MMP26: variants seen among roughly 807,000 people sequenced by gnomAD.
MMP26 encodes matrix metalloproteinase-26.
MMP26 carries 33 observed loss-of-function variants against 31.0 expected under a neutral mutation model. The observed-to-expected ratio is 1.06, with a 90% CI of 0.81 to 1.42. MMP26 has a LOEUF of 1.42. MMP26 is among the 40% of genes most tolerant of loss of function. The probability of loss-of-function intolerance (pLI) is 0.00; values close to 1 mark genes in which losing one functional copy is unlikely to be tolerated. For missense variants in MMP26, 347 were observed against 316.1 expected (o/e 1.10, Z -0.74); for synonymous variants, 122 against 114.9 (o/e 1.06, Z -0.40).
Position 4,964,211 on chromosome 11 carries a change from C to CAT in MMP26, c.-144-23857_-144-23856insAT, listed in dbSNP as rs1846559521. Among the ~76,000 whole-genome samples, 4 of 152,170 alleles carry CAT rather than the reference C, an allele frequency of 2.6e-5. No homozygotes were observed. In the South Asian group the frequency reaches 8.3e-4, roughly 32 times the overall value. ...AAGCCTATGTTCTTAATGGTATTGC[C>CAT]TAGGTTTTCTTCTAAGGTTTTTATA... On this transcript the variant is annotated intron_variant, in intron 2 of 7. Coordinates refer to ENST00000380390, the MANE Select transcript of MMP26 (RefSeq NM_021801.5).
intron 2 of MMP26, among the ~76,000 whole-genome samples, chr11:4,780,140 A>G (rs1848839163): frequency 6.6e-6 from 1 of 152,166 alleles, no homozygotes; most frequent in Non-Finnish European, 1.5e-5. Context: ...ATTACTACAA[A>G]TATTGTTATT....
At chr11:4,793,167 T>A (rs186117378) in intron 2 of MMP26, among the ~76,000 whole-genome samples, 5 of 152,326 alleles carry the variant, frequency 3.3e-5, no homozygotes, top group Non-Finnish European at 5.9e-5. Flanking sequence ...AATTTTATAA[T>A]CACCCTTTGA....
intron 1 of MMP26, among the ~76,000 whole-genome samples, chr11:4,740,718 G>T (rs955523919): frequency 7.3e-5 from 11 of 150,630 alleles, no homozygotes; most frequent in African/African-American, 2.7e-4. Flanking sequence ...TTTTGGCTTT[G>T]GACATCTCCT....
intron 1 of MMP26, among the ~76,000 whole-genome samples, chr11:4,758,250 A>G (rs1348014755): frequency 6.6e-6 from 1 of 152,170 alleles, no homozygotes; most frequent in Non-Finnish European, 1.5e-5. Context: ...GATGCAGGAT[A>G]TTACATATTG....
At chr11:4,938,849 A>T (rs1846167681) in intron 2 of MMP26, among the ~76,000 whole-genome samples, 2 of 148,710 alleles carry the variant, frequency 1.3e-5, no homozygotes, top group African/African-American at 5.2e-5. Context: ...GTTTAAAAAT[A>T]AAAAAACCTT....
intron 1 of MMP26, among the ~76,000 whole-genome samples, chr11:4,707,166 A>G (rs2133261912): frequency 6.6e-6 from 1 of 152,232 alleles, no homozygotes; most frequent in African/African-American, 2.4e-5. Context: ...AATAGGTCCA[A>G]TTTCTTCTCA....
rs535085371 is a variant in MMP26 at position 4,881,229 on chromosome 11, G to A, written c.-144-106839G>A. Among the ~76,000 whole-genome samples, 14 of 152,208 alleles carry A rather than the reference G, an allele frequency of 9.2e-5. No individual in the cohort carries two copies. In the East Asian group the frequency reaches 2.1e-3, roughly 23 times the overall value. ...TTCCACAGGAAAGATTTCCCCAGCA[G>A]CAAACGGAACCACTGTCTCCTCTCC... On this transcript the variant is annotated intron_variant, in intron 2 of 7. Transcript: ENST00000380390.
intron 2 of MMP26, among the ~76,000 whole-genome samples, chr11:4,933,573 T>TA (rs1851385062): frequency 6.9e-6 from 1 of 145,234 alleles, no homozygotes; most frequent in African/African-American, 2.6e-5. Flanking sequence ...TTGTTTTTTT[T>TA]ATTTTTATTT....
intron 2 of MMP26, among the ~76,000 whole-genome samples, chr11:4,963,304 A>G (rs1428825419): frequency 1.3e-5 from 2 of 152,212 alleles, no homozygotes; most frequent in Admixed American, 6.5e-5. Context: ...AAATGGCCAT[A>G]CTGCCCAAAG....
At chr11:4,738,984 A>G (rs11033632) in intron 1 of MMP26, among the ~76,000 whole-genome samples, 26,423 of 152,130 alleles carry the variant, frequency 0.17, 2,759 homozygotes, top group African/African-American at 0.3. Flanking sequence ...CTAGGTTTAC[A>G]CTTCTGATCT....
intron 2 of MMP26, among the ~76,000 whole-genome samples, chr11:4,987,001 C>T (rs886113879): frequency 1.5e-5 from 2 of 132,244 alleles, no homozygotes; most frequent in Non-Finnish European, 3.1e-5. Flanking sequence ...GATGGAGTTT[C>T]GCTCTTGTTG....
At chr11:4,773,135 T>A (rs35902686) in intron 2 of MMP26, among the ~76,000 whole-genome samples, 1 of 152,110 alleles carries the variant, frequency 6.6e-6, no homozygotes, top group Non-Finnish European at 1.5e-5. Flanking sequence ...ACGGTCAGAT[T>A]GTAAAATAAT....
intron 2 of MMP26, among the ~76,000 whole-genome samples, chr11:4,978,601 A>T (rs965641442): frequency 1.3e-5 from 2 of 152,084 alleles, no homozygotes; most frequent in Non-Finnish European, 2.9e-5. Flanking sequence ...TTTTTCCTTC[A>T]TAATAAAAAT....
chr11:4,938,844 A>G (rs1157215141), intron 2 of MMP26, among the ~76,000 whole-genome samples: 1 of 151,922 alleles, frequency 6.6e-6, no homozygotes, highest in Non-Finnish European at 1.5e-5. Flanking sequence ...TTAGGGTTTA[A>G]AAATAAAAAA....
chr11:4,888,573 T>C (rs924252793), intron 2 of MMP26, among the ~76,000 whole-genome samples: 2 of 152,126 alleles, frequency 1.3e-5, no homozygotes, highest in African/African-American at 2.4e-5. Context: ...TTTCCTATTT[T>C]TTACCAAAAG....
intron 2 of MMP26, among the ~76,000 whole-genome samples, chr11:4,801,925 G>C (rs1849189336): frequency 6.6e-6 from 1 of 151,986 alleles, no homozygotes; most frequent in Admixed American, 6.6e-5. Flanking sequence ...AGCCATTCAT[G>C]AAGGATCTGT....
chr11:4,811,181 T>G (rs1849344751), intron 2 of MMP26, among the ~76,000 whole-genome samples: 1 of 152,192 alleles, frequency 6.6e-6, no homozygotes. Context: ...TTCAAATTAT[T>G]TTTCTTTTTC....
At chr11:4,923,550 G>T in intron 2 of MMP26, 1 of 1,614,130 alleles carries the variant, frequency 6.2e-7, no homozygotes, top group Non-Finnish European at 8.5e-7. Flanking sequence ...CCAAAGCGAT[G>T]CACAAGAGAC....
chr11:4,794,624 T>A (rs769780962), intron 2 of MMP26, among the ~76,000 whole-genome samples: 1 of 152,176 alleles, frequency 6.6e-6, no homozygotes, highest in Non-Finnish European at 1.5e-5. Context: ...GTATTTGACC[T>A]ATGACCCAGG....
Sources: gnomAD v4.1 joint callset for allele counts (sites outside exome capture counted in the v4.1 genomes callset) on GRCh38, gnomAD v4.1.1 for gene constraint, MANE v1.5 for transcripts, NCBI Gene and HGNC (gene_info 2026-07-23, HGNC 2026-07-21) for gene names.